MAP4K3: variants seen among roughly 807,000 people sequenced by gnomAD.
MAP4K3 encodes MAPK/ERK kinase kinase kinase 3.
MAP4K3 carries 94 observed loss-of-function variants against 143.5 expected under a neutral mutation model. The observed-to-expected ratio is 0.65, with a 90% CI of 0.55 to 0.78. The LOEUF (loss-of-function observed/expected upper bound fraction) is 0.78, where lower values mean the gene tolerates loss of function less well. Among genes scored for constraint, MAP4K3 ranks in the 30% least tolerant of loss-of-function variants. The pLI, the probability that MAP4K3 is intolerant of heterozygous loss-of-function variation, is 0.00. For synonymous variants in MAP4K3, 416 were observed against 347.2 expected (o/e 1.20, Z -2.20); for missense variants, 1,077 against 1,068.1 (o/e 1.01, Z -0.12).
intron 1 of MAP4K3, among the ~76,000 whole-genome samples, chr2:39,396,329 G>A (rs775815007): frequency 3.3e-5 from 5 of 151,984 alleles, no homozygotes; most frequent in Non-Finnish European, 5.9e-5. Flanking sequence ...GTGAGCCACT[G>A]CACCCGGCCT....
intron 4 of MAP4K3, among the ~76,000 whole-genome samples, 171 bp from the exon 5 acceptor site, chr2:39,337,752 GTTTTT>G (rs570853243): frequency 5.2e-3 from 367 of 70,484 alleles, no homozygotes; most frequent in African/African-American, 0.021. Context: ...CCTGGCTCCA[GTTTTT>G]TTTTTTTTTT....
intron 1 of MAP4K3, among the ~76,000 whole-genome samples, chr2:39,429,243 C>A (rs1665203708): frequency 6.6e-6 from 1 of 152,018 alleles, no homozygotes; most frequent in Admixed American, 6.6e-5. Flanking sequence ...TTATGTTTCA[C>A]TGCAATATTA....
intron 4 of MAP4K3, among the ~76,000 whole-genome samples, chr2:39,338,141 A>T (rs1444562646): frequency 6.6e-6 from 1 of 152,170 alleles, no homozygotes. Flanking sequence ...ACAGAAAAGC[A>T]GCCTGATAAA....
At chr2:39,366,359 T>C (rs1259466185) in intron 2 of MAP4K3, among the ~76,000 whole-genome samples, 2 of 152,180 alleles carry the variant, frequency 1.3e-5, no homozygotes, top group East Asian at 1.9e-4. Flanking sequence ...TTATCATCAA[T>C]AGAAAGGAAT....
At chr2:39,333,610 TAG>T (rs1558651881) in intron 6 of MAP4K3, 36 bp from the exon 7 acceptor site, 1 of 1,252,092 alleles carries the variant, frequency 8.0e-7, no homozygotes. Context: ...GAGTAGGAAA[TAG>T]ATATTTTATC....
chr2:39,280,332 A>G lies in MAP4K3; in HGVS notation c.1654T>C (p.Phe552Leu). The change falls in exon 23 of 34, where the codon TTT (phenylalanine) becomes CTT (leucine). Residue 552 changes from phenylalanine to leucine, a missense_variant. Physicochemically the swap from Phe to Leu is conservative, Grantham distance 22 (BLOSUM62 0). Coordinates refer to ENST00000263881, the MANE Select transcript of MAP4K3 (RefSeq NM_003618.4). ...TGAATTTTCAAGGGACACCCATTAAAAACTTTTGAAAAACATGCACCCATC... is the reference window on the plus strand; with the variant it reads ...TGAATTTTCAAGGGACACCCATTAAGAACTTTTGAAAAACATGCACCCATC... ...VHMGACFSKV[F>L]NGCPLKIHCA... 6.2e-7 allele frequency: 1 copy of G among 1,605,152 alleles called. No individual in the cohort carries two copies. Among genetic ancestry groups the G allele is most frequent in the Non-Finnish European group, 8.5e-7 (1 of 1,174,590 alleles).
At chr2:39,320,421 A>G (rs1391792624) in intron 12 of MAP4K3, among the ~76,000 whole-genome samples, 1 of 152,176 alleles carries the variant, frequency 6.6e-6, no homozygotes, top group Non-Finnish European at 1.5e-5. Flanking sequence ...TAGGATATAA[A>G]TAACTCCCAC....
Position 39,254,335 on chromosome 2 carries a change from G to T in MAP4K3, c.2541+115C>A, listed in dbSNP as rs979905437. 4 of 776,190 alleles carry T rather than the reference G, an allele frequency of 5.2e-6. No individual in the cohort carries two copies. The African/African-American group carries it at 6.9e-5, about 13-fold the overall frequency. 48.1% of individuals were successfully genotyped at this position (776,190 alleles called of 1,614,324 possible). On this transcript the variant is annotated intron_variant, in intron 32 of 33. Transcript: ENST00000263881. Reference sequence around the variant, plus strand: ...TGACTTTATCAATAGACTAAATACAGTAAGTATTAATAAAGTTAGCCAATC... The same window carrying T: ...TGACTTTATCAATAGACTAAATACATTAAGTATTAATAAAGTTAGCCAATC...
At chr2:39,338,694 A>T (rs1211996) in intron 4 of MAP4K3, among the ~76,000 whole-genome samples, 1 of 152,178 alleles carries the variant, frequency 6.6e-6, no homozygotes, top group South Asian at 2.1e-4. Context: ...TTAATCTCAA[A>T]GAGGCAGGAC....
rs1244496059 is a variant in MAP4K3 at position 39,436,907 on chromosome 2, G to A, written c.81C>T (p.Tyr27=). 1.2e-6 allele frequency: 2 copies of A among 1,611,370 alleles called. No individual in the cohort carries two copies. The highest frequency in any genetic ancestry group is 1.1e-5 in the South Asian group (1 of 90,886). Residue 27 remains tyrosine, a synonymous_variant, in exon 1 of 34, where the codon TAC becomes TAT. Coordinates refer to ENST00000263881, the MANE Select transcript of MAP4K3 (RefSeq NM_003618.4). ...CTGCCTTTACCTTGTAGACGTCGCC[G>A]TAGGTGCCGCTGCCGATGCGCTGAA... is the stretch of plus-strand genomic sequence containing the variant. ...ELIQRIGSGT[Y]GDVYKARNVN...
intron 24 of MAP4K3, among the ~76,000 whole-genome samples, 177 bp downstream of exon 24, chr2:39,278,230 C>T (rs1681359230): frequency 6.6e-6 from 1 of 152,002 alleles, no homozygotes; most frequent in Admixed American, 6.6e-5. Flanking sequence ...CGAGATCACA[C>T]CACTGCACTG....
rs75659962 is a variant in MAP4K3, at chr2:39,333,508, G to A, written c.457+24C>T. ...TATATCTTAGAATAGATTTGTGCAC[G>A]TGACAAAATTCCAATTTACTTACCC... On this transcript the variant is annotated intron_variant, in intron 7 of 33. Coordinates refer to ENST00000263881, the MANE Select transcript of MAP4K3 (RefSeq NM_003618.4). The A allele has an allele frequency of 2.7e-5, 42 of 1,576,958 alleles. No homozygotes were observed. The East Asian group carries it at 5.8e-4, about 22-fold the overall frequency.
At chr2:39,399,350 A>T (rs1419862206) in intron 1 of MAP4K3, among the ~76,000 whole-genome samples, 1 of 152,210 alleles carries the variant, frequency 6.6e-6, no homozygotes, top group Admixed American at 6.5e-5. Flanking sequence ...TCAGGCTAGG[A>T]TTATGCTAAA....
chr2:39,437,180 G>A lies in MAP4K3; in HGVS notation c.-193C>T. On this transcript the variant is annotated 5_prime_UTR_variant, in exon 1 of 34. It adds an upstream start codon to the 5' untranslated region. Transcript: ENST00000263881. ...TGCGGACGACGACAAGCGGCCAATCGTCCCCGCCCCCCGCGGCCCGCCGCC... is the reference window on the plus strand; with the variant it reads ...TGCGGACGACGACAAGCGGCCAATCATCCCCGCCCCCCGCGGCCCGCCGCC... 1 of 363,426 alleles carries A rather than the reference G, an allele frequency of 2.8e-6. No individual in the cohort carries two copies. The highest frequency in any genetic ancestry group is 4.8e-6 in the Non-Finnish European group (1 of 207,604). 22.5% of individuals were successfully genotyped at this position (363,426 alleles called of 1,614,324 possible).
intron 3 of MAP4K3, among the ~76,000 whole-genome samples, chr2:39,348,553 G>A (rs1665362521): frequency 6.6e-6 from 1 of 152,104 alleles, no homozygotes; most frequent in Non-Finnish European, 1.5e-5. Context: ...TAAGCCATAT[G>A]CCTAATAGGA....
chr2:39,393,489 T>A (rs748201926), intron 1 of MAP4K3, among the ~76,000 whole-genome samples: 5 of 152,178 alleles, frequency 3.3e-5, no homozygotes, highest in East Asian at 3.8e-4. Flanking sequence ...ATCCATTTTT[T>A]AAAAAAAGCT....
intron 32 of MAP4K3, 75 bp downstream of exon 32, chr2:39,254,375 T>C (rs1680265114): frequency 1.7e-6 from 2 of 1,149,930 alleles, no homozygotes; most frequent in Admixed American, 1.7e-5. Context: ...ATTACTTGTA[T>C]CATTTAGGAA....
chr2:39,264,942 T>C (rs1680708322), intron 28 of MAP4K3, among the ~76,000 whole-genome samples: 2 of 152,206 alleles, frequency 1.3e-5, no homozygotes, highest in South Asian at 4.1e-4. Flanking sequence ...GTACTTCCTG[T>C]TTCTGCCATC....
At chr2:39,321,406 G>C (rs1012362445) in intron 12 of MAP4K3, among the ~76,000 whole-genome samples, 3 of 152,182 alleles carry the variant, frequency 2.0e-5, no homozygotes, top group Admixed American at 6.5e-5. Context: ...TGCTCCTTAA[G>C]AGTCATCACC....
Sources: allele counts gnomAD v4.1 joint callset (sites outside exome capture counted in the v4.1 genomes callset), GRCh38; gene constraint gnomAD v4.1.1; transcripts MANE v1.5; gene names NCBI Gene and HGNC (gene_info 2026-07-23, HGNC 2026-07-21).